The following UTS2B variants were observed in gnomAD, a reference collection of about 807,000 sequenced individuals.
UTS2B encodes the protein urotensin-2B.
In UTS2B, 21 loss-of-function variants were observed where a neutral mutation model predicts 19.2. The observed-to-expected ratio is 1.09, with a 90% CI of 0.78 to 1.58. UTS2B has a LOEUF of 1.58. Ranked by LOEUF, UTS2B falls within the 40% of genes most tolerant of loss-of-function variation. The pLI, the probability that UTS2B is intolerant of heterozygous loss-of-function variation, is 0.00. For missense variants in UTS2B, 138 were observed against 130.3 expected (o/e 1.06, Z -0.29); for synonymous variants, 57 against 50.2 (o/e 1.14, Z -0.58).
Position 191,297,151 on chromosome 3 carries a change from A to T in UTS2B, c.-125+7341T>A, listed in dbSNP as rs984352016. ...TGTGTCTTTTGGATTTGAACTGTGG[A>T]TTATCCTAAAAGTTTTGTCCCTGAG... On this transcript the variant is annotated intron_variant, in intron 4 of 8. Transcript: ENST00000340524. Among the ~76,000 whole-genome samples, 146 of 152,036 alleles carry T rather than the reference A, an allele frequency of 9.6e-4. 1 individual carries two copies. The highest frequency in any genetic ancestry group is 1.8e-3 in the Non-Finnish European group (121 of 68,004).
At position 191,276,713 on chromosome 3, in the gene UTS2B, G is replaced by T; in HGVS notation, c.240+94C>A. On this transcript the variant is annotated intron_variant, in intron 7 of 8. Transcript: ENST00000340524. ...GCAGGAATAAAAGTTTTACATTGTA[G>T]TATTAATAATTTATTTTAAAAAACA... is the stretch of plus-strand genomic sequence containing the variant. The T allele has an allele frequency of 8.6e-6, 9 of 1,050,706 alleles. No individual in the cohort carries two copies. The South Asian group carries it at 1.3e-4, about 16-fold the overall frequency. The allele number at this position is 1,050,706 out of a possible 1,614,324, so 65.1% of individuals were successfully genotyped here. A position where few individuals can be genotyped will look rare whatever the true frequency, so the allele number is the denominator to read the frequency against.
At chr3:191,270,790 A>C (rs1383508950) in intron 8 of UTS2B, among the ~76,000 whole-genome samples, 1 of 152,142 alleles carries the variant, frequency 6.6e-6, no homozygotes, top group African/African-American at 2.4e-5. Context: ...TCAGCCCCAT[A>C]GACCCATAGA....
chr3:191,304,231 TA>T (rs1717077163), intron 4 of UTS2B, among the ~76,000 whole-genome samples: 1 of 152,180 alleles, frequency 6.6e-6, no homozygotes, highest in Non-Finnish European at 1.5e-5. Flanking sequence ...GTGTTGGGAT[TA>T]CAGGCGTGAG....
At chr3:191,344,041 C>T in the UTS2B span, among the ~76,000 whole-genome samples, 1 of 152,174 alleles carries the variant, frequency 6.6e-6, no homozygotes, top group Non-Finnish European at 1.5e-5. Context: ...TGTAAATATG[C>T]GAGCACTTTG....
At chr3:191,330,866 T>G (rs566544328), upstream of UTS2B, among the ~76,000 whole-genome samples, 1 of 152,180 alleles carries the variant, frequency 6.6e-6, no homozygotes, top group East Asian at 1.9e-4. Context: ...TCACTGATTT[T>G]ATGTAGAATT....
At chr3:191,337,392 TTC>T in the UTS2B span, among the ~76,000 whole-genome samples, 2 of 152,064 alleles carry the variant, frequency 1.3e-5, no homozygotes, top group South Asian at 2.1e-4. Flanking sequence ...TCATTTTTCT[TTC>T]TCTCTCTCTT....
the UTS2B span, among the ~76,000 whole-genome samples, chr3:191,343,089 G>A: frequency 6.6e-6 from 1 of 152,136 alleles, no homozygotes; most frequent in Non-Finnish European, 1.5e-5. Context: ...CAAGGCCTGT[G>A]TATACTGAGG....
At chr3:191,271,198 C>A in intron 8 of UTS2B, among the ~76,000 whole-genome samples, 1 of 73,348 alleles carries the variant, frequency 1.4e-5, no homozygotes. Context: ...GTGAGACTCT[C>A]TCAAAAAAAA....
At chr3:191,280,838 T>C (rs549560798) in intron 5 of UTS2B, among the ~76,000 whole-genome samples, 5 of 152,242 alleles carry the variant, frequency 3.3e-5, no homozygotes, top group Admixed American at 6.5e-5. Flanking sequence ...GTTAGAAACA[T>C]TGGAAATCTC....
At chr3:191,308,195 T>G (rs570746925) in intron 3 of UTS2B, among the ~76,000 whole-genome samples, 57 of 152,270 alleles carry the variant, frequency 3.7e-4, no homozygotes, top group African/African-American at 1.3e-3. Flanking sequence ...ACAATGAGAA[T>G]GGCGAGAGCT....
intron 3 of UTS2B, among the ~76,000 whole-genome samples, chr3:191,310,016 G>A (rs577636476): frequency 6.4e-4 from 96 of 150,460 alleles, no homozygotes; most frequent in African/African-American, 2.3e-3. Flanking sequence ...AGGCTGGAGC[G>A]CAGTGGCACG....
chr3:191,333,481 A>G (rs553380903), upstream of UTS2B, among the ~76,000 whole-genome samples: 1 of 152,342 alleles, frequency 6.6e-6, no homozygotes, highest in South Asian at 2.1e-4. Context: ...TGAGATGTAC[A>G]TATATCTGGC....
chr3:191,304,664 T>G (rs1717089837), intron 3 of UTS2B, 116 bp from the exon 4 acceptor site: 1 of 152,246 alleles, frequency 6.6e-6, no homozygotes, highest in Admixed American at 6.5e-5. Flanking sequence ...GATTGTCATT[T>G]TTTCTTTTTA....
intron 2 of UTS2B, among the ~76,000 whole-genome samples, chr3:191,321,067 G>A (rs941242201): frequency 6.6e-6 from 1 of 152,192 alleles, no homozygotes; most frequent in South Asian, 2.1e-4. Context: ...TCCAGAGTAA[G>A]AATAGTTAGG....
rs1717179158 is a variant in UTS2B at position 191,307,753 on chromosome 3, T to C, written c.-181-3205A>G. On this transcript the variant is annotated intron_variant, in intron 3 of 8. Coordinates refer to ENST00000340524, the MANE Select transcript of UTS2B (RefSeq NM_198152.5). ...TCAAGTTTGTTCTACCAATACACCATTGCAGTGGTCTCTCTTCTTTGTCAG... is the reference window on the plus strand; with the variant it reads ...TCAAGTTTGTTCTACCAATACACCACTGCAGTGGTCTCTCTTCTTTGTCAG... 3.9e-5 allele frequency among the ~76,000 whole-genome samples: 6 copies of C among 152,182 alleles called. No homozygotes were observed. In the South Asian group the frequency reaches 1.0e-3, roughly 26 times the overall value.
chr3:191,315,978 C>G (rs573605866), intron 3 of UTS2B, 58 bp downstream of exon 3: 5 of 152,282 alleles, frequency 3.3e-5, no homozygotes, highest in African/African-American at 1.2e-4. Flanking sequence ...TATACAGTAG[C>G]ATGTGTTTAT....
chr3:191,327,533 C>T (rs187472826), intron 2 of UTS2B, among the ~76,000 whole-genome samples: 1 of 152,076 alleles, frequency 6.6e-6, no homozygotes, highest in Non-Finnish European at 1.5e-5. Context: ...AGAGCTGAGG[C>T]CATGGAAAAG....
intron 2 of UTS2B, among the ~76,000 whole-genome samples, chr3:191,327,250 C>T (rs1717768265): frequency 1.3e-5 from 2 of 152,168 alleles, no homozygotes; most frequent in South Asian, 4.1e-4. Context: ...AATCCCAGCA[C>T]TTTGGGAGGC....
chr3:191,283,738 T>C (rs1274191439), intron 4 of UTS2B, among the ~76,000 whole-genome samples: 2 of 151,714 alleles, frequency 1.3e-5, no homozygotes, highest in Non-Finnish European at 2.9e-5. Context: ...TATAAAGCTA[T>C]ATGAGCTGAA....
Sources: allele counts gnomAD v4.1 joint callset (sites outside exome capture counted in the v4.1 genomes callset), GRCh38; gene constraint gnomAD v4.1.1; transcripts MANE v1.5; gene names NCBI Gene and HGNC (gene_info 2026-07-23, HGNC 2026-07-21).